TRPC4AP: variants seen among roughly 807,000 people sequenced by gnomAD.
TRPC4AP encodes short transient receptor potential channel 4-associated protein.
A neutral mutation model predicts 99.0 loss-of-function variants in TRPC4AP; 45 were observed. The ratio of observed to expected loss-of-function variants is 0.45; its 90% CI spans 0.36 to 0.58. The LOEUF (loss-of-function observed/expected upper bound fraction) is 0.58, where lower values mean the gene tolerates loss of function less well. Ranked by LOEUF, TRPC4AP falls within the 20% of genes least tolerant of loss-of-function variation. TRPC4AP has a pLI of 0.00. For missense variants in TRPC4AP, 879 were observed against 985.3 expected (o/e 0.89, Z 1.44); for synonymous variants, 408 against 385.8 (o/e 1.06, Z -0.67).
At chr20:35,016,177 G>A in intron 9 of TRPC4AP, 38 bp from the exon 10 acceptor site, 1 of 1,612,926 alleles carries the variant, frequency 6.2e-7, no homozygotes, top group Non-Finnish European at 8.5e-7. Context: ...TAAGACAAAT[G>A]TGCTTGAAAA....
intron 16 of TRPC4AP, 83 bp downstream of exon 16, chr20:35,005,612 T>A: frequency 7.5e-7 from 1 of 1,336,904 alleles, no homozygotes; most frequent in Non-Finnish European, 1.1e-6. Flanking sequence ...TCAGTCATTC[T>A]TGTCTCCCTG....
chr20:35,047,823 C>T (rs1434507024), intron 6 of TRPC4AP, among the ~76,000 whole-genome samples: 1 of 152,142 alleles, frequency 6.6e-6, no homozygotes, highest in African/African-American at 2.4e-5. Context: ...TAGGACTGAG[C>T]TTCCCCACAA....
At chr20:35,061,485 T>C (rs1407237442) in intron 3 of TRPC4AP, among the ~76,000 whole-genome samples, 3 of 152,200 alleles carry the variant, frequency 2.0e-5, no homozygotes, top group Non-Finnish European at 4.4e-5. Flanking sequence ...AAGCTGATCC[T>C]GAAATTCACA....
At chr20:35,031,887 C>T (rs2083203932) in intron 8 of TRPC4AP, among the ~76,000 whole-genome samples, 1 of 151,964 alleles carries the variant, frequency 6.6e-6, no homozygotes, top group South Asian at 2.1e-4. Flanking sequence ...GATTATTATA[C>T]TACTTAAAAA....
chr20:35,032,451 G>C (rs2083219706), intron 8 of TRPC4AP, among the ~76,000 whole-genome samples: 1 of 141,668 alleles, frequency 7.1e-6, no homozygotes, highest in South Asian at 2.4e-4. Flanking sequence ...TTCAAGCATA[G>C]TTTTAGTTCT....
rs369098171 is a variant in TRPC4AP at position 35,035,182 on chromosome 20, T to C, written c.992A>G (p.Asn331Ser). 6.8e-6 allele frequency: 11 copies of C among 1,614,052 alleles called. No individual in the cohort carries two copies. The highest frequency in any genetic ancestry group is 2.2e-5 in the East Asian group (1 of 44,876). ...CATCAGGGCATCTAGCACCAAAGCATTGTCTAGCCATGTGTACCACTCTTC... is the reference window on the plus strand; with the variant it reads ...CATCAGGGCATCTAGCACCAAAGCACTGTCTAGCCATGTGTACCACTCTTC... ...ELEEWYTWLD[N>S]ALVLDALMRV... The change falls in exon 8 of 19, where the codon AAT becomes AGT. Residue 331 changes from asparagine to serine, a missense_variant. Transcript: ENST00000252015.
At chr20:35,047,345 T>G (rs948190908) in intron 6 of TRPC4AP, among the ~76,000 whole-genome samples, 1 of 152,198 alleles carries the variant, frequency 6.6e-6, no homozygotes, top group Non-Finnish European at 1.5e-5. Flanking sequence ...TTTGCTTTTT[T>G]GAGCTTTATG....
intron 16 of TRPC4AP, among the ~76,000 whole-genome samples, chr20:35,005,338 G>GT (rs1273436217): frequency 1.2e-4 from 19 of 152,332 alleles, no homozygotes; most frequent in African/African-American, 4.6e-4. Context: ...ATGGAAGTGC[G>GT]TTAGCAAGTC....
At chr20:35,050,740 A>C (rs1015866343) in intron 5 of TRPC4AP, among the ~76,000 whole-genome samples, 2 of 151,968 alleles carry the variant, frequency 1.3e-5, no homozygotes, top group Admixed American at 1.3e-4. Flanking sequence ...AAAAAAACCA[A>C]CAACAACAAA....
rs1357079911 is a variant in TRPC4AP, at chr20:35,005,707, C to A, written c.1924G>T (p.Val642Leu). 10 of 1,614,106 alleles carry A rather than the reference C, an allele frequency of 6.2e-6. No homozygotes were observed. The highest frequency in any genetic ancestry group is 6.8e-6 in the Non-Finnish European group (8 of 1,179,954). ...GCCTTTCATGTACCTTTCATATCCA[C>A]CTGGTTTTCAAATCGGTCCAGGGAC... ...TLSLDRFENQ[V>L]DMKVAEVLSE... The change falls in exon 16 of 19, where the codon GTG (valine) becomes TTG (leucine). Residue 642 changes from valine to leucine, a missense_variant. This residue lies in a region of TRPC4AP where 224 missense variants were observed against 264.7 expected (regional missense o/e 0.85). Coordinates refer to ENST00000252015, the MANE Select transcript of TRPC4AP (RefSeq NM_015638.3).
intron 3 of TRPC4AP, among the ~76,000 whole-genome samples, chr20:35,058,451 C>G (rs1254257346): frequency 7.9e-5 from 12 of 152,114 alleles, no homozygotes; most frequent in Admixed American, 7.9e-4. Context: ...AAATCACATA[C>G]AGTATGTTGT....
chr20:35,022,639 G>A (rs1449693287), intron 8 of TRPC4AP, among the ~76,000 whole-genome samples: 1 of 152,104 alleles, frequency 6.6e-6, no homozygotes, highest in Non-Finnish European at 1.5e-5. Context: ...GCCTCTATGT[G>A]TTATAGAGGA....
At chr20:35,010,408 G>A (rs1420344196) in intron 11 of TRPC4AP, 120 bp from the exon 12 acceptor site, 1 of 774,664 alleles carries the variant, frequency 1.3e-6, no homozygotes, top group Non-Finnish European at 2.1e-6. Flanking sequence ...AAGCCACCAG[G>A]CACTTTCCTC....
intron 8 of TRPC4AP, among the ~76,000 whole-genome samples, chr20:35,028,589 G>GC (rs2083087632): frequency 6.6e-6 from 1 of 152,120 alleles, no homozygotes; most frequent in African/African-American, 2.4e-5. Context: ...TAACAGCCTA[G>GC]CATATGGTCT....
chr20:35,091,178 C>A (rs1304400650), intron 1 of TRPC4AP, among the ~76,000 whole-genome samples: 1 of 151,788 alleles, frequency 6.6e-6, no homozygotes, highest in Non-Finnish European at 1.5e-5. Context: ...TTTGGAGACA[C>A]AGGATTTTGC....
chr20:35,004,615 T>G lies in TRPC4AP; in HGVS notation c.1937-45A>C, dbSNP rs1156269336. 3.8e-6 allele frequency: 6 copies of G among 1,567,750 alleles called. No homozygotes were observed. The African/African-American group carries it at 4.1e-5, about 11-fold the overall frequency. On this transcript the variant is annotated intron_variant, in intron 16 of 18. Coordinates refer to ENST00000252015, the MANE Select transcript of TRPC4AP (RefSeq NM_015638.3). ...TGCAGCAGGTCAGGCTTAGGCCCAG[T>G]GGCTGGGTCGCCCAGGCCTTTCGTG...
chr20:35,030,102 A>G (rs946058291), intron 8 of TRPC4AP, among the ~76,000 whole-genome samples: 18 of 151,372 alleles, frequency 1.2e-4, no homozygotes, highest in East Asian at 4.0e-4. Context: ...TTAGCTGGGC[A>G]TGGTGGCACA....
At chr20:35,086,549 G>GTATATA (rs1569158129) in intron 1 of TRPC4AP, among the ~76,000 whole-genome samples, 6 of 106,704 alleles carry the variant, frequency 5.6e-5, no homozygotes, top group Non-Finnish European at 1.0e-4. Context: ...GTGTGTGTGT[G>GTATATA]TGTGTGTGTG....
chr20:35,040,439 C>T (rs2083421649), intron 7 of TRPC4AP, among the ~76,000 whole-genome samples: 1 of 152,122 alleles, frequency 6.6e-6, no homozygotes, highest in Non-Finnish European at 1.5e-5. Flanking sequence ...TATCAGACTC[C>T]AGGATCTTTG....
Sources: gnomAD v4.1 joint callset for allele counts (sites outside exome capture counted in the v4.1 genomes callset) on GRCh38, gnomAD v4.1.1 for gene constraint, gnomAD v4.1.1 regional missense constraint, MANE v1.5 for transcripts, NCBI Gene and HGNC (gene_info 2026-07-23, HGNC 2026-07-21) for gene names.